LRRC4C: variants seen among roughly 807,000 people sequenced by gnomAD.
The protein encoded by LRRC4C is leucine rich repeat containing 4C, also known as leucine-rich repeat-containing protein 4C.
LRRC4C carries 5 observed loss-of-function variants against 33.6 expected under a neutral mutation model. The observed-to-expected ratio is 0.15, with a 90% CI of 0.08 to 0.31. LRRC4C has a LOEUF of 0.31. LRRC4C is among the 10% of genes least tolerant of loss of function. LRRC4C has a pLI of 1.00. For synonymous variants in LRRC4C, 329 were observed against 302.0 expected (o/e 1.09, Z -0.93); for missense variants, 560 against 796.7 (o/e 0.70, Z 3.58).
intron 3 of LRRC4C, among the ~76,000 whole-genome samples, chr11:40,602,193 C>CAAA (rs375091552): frequency 2.9e-4 from 27 of 93,744 alleles, no homozygotes; most frequent in South Asian, 7.8e-4. Flanking sequence ...GAATCTGTCT[C>CAAA]AAAAAAAAAA....
At chr11:41,437,421 G>GCACACACA (rs138502307) in intron 1 of LRRC4C, among the ~76,000 whole-genome samples, 5,133 of 144,960 alleles carry the variant, frequency 0.035, 151 homozygotes, top group African/African-American at 0.083. Flanking sequence ...ACGCGCGCGC[G>GCACACACA]CGCGCACACA....
At chr11:41,010,622 A>T (rs1189331559) in intron 1 of LRRC4C, among the ~76,000 whole-genome samples, 1 of 152,190 alleles carries the variant, frequency 6.6e-6, no homozygotes, top group African/African-American at 2.4e-5. Flanking sequence ...CTACTGCTTT[A>T]TAAGGTCCTA....
intron 1 of LRRC4C, among the ~76,000 whole-genome samples, chr11:40,947,212 A>G (rs1479557039): frequency 2.0e-5 from 3 of 152,136 alleles, no homozygotes; most frequent in Non-Finnish European, 4.4e-5. Flanking sequence ...TTTGGCTTCT[A>G]ATTAATCTTG....
At chr11:41,285,587 T>C (rs181510986) in intron 1 of LRRC4C, among the ~76,000 whole-genome samples, 39 of 152,240 alleles carry the variant, frequency 2.6e-4, no homozygotes, top group African/African-American at 9.4e-4. Context: ...GAGACTGGAA[T>C]GATGTGGGGA....
intron 3 of LRRC4C, among the ~76,000 whole-genome samples, chr11:40,373,321 T>C (rs1404648909): frequency 6.6e-6 from 1 of 152,102 alleles, no homozygotes; most frequent in East Asian, 1.9e-4. Flanking sequence ...ATTAGATAAA[T>C]GTTATAATTA....
At chr11:40,480,690 G>A (rs1420024237) in intron 3 of LRRC4C, among the ~76,000 whole-genome samples, 1 of 151,828 alleles carries the variant, frequency 6.6e-6, no homozygotes, top group African/African-American at 2.4e-5. Context: ...CCATATATAT[G>A]TATATATACA....
At chr11:40,916,334 T>C (rs1198148642) in intron 2 of LRRC4C, among the ~76,000 whole-genome samples, 2 of 152,182 alleles carry the variant, frequency 1.3e-5, no homozygotes, top group African/African-American at 4.8e-5. Flanking sequence ...GAAGAAAATG[T>C]GGCACATATA....
At chr11:41,107,959 A>AGGGAGAGGGGAGAG (rs68011353) in intron 1 of LRRC4C, among the ~76,000 whole-genome samples, 1 of 143,958 alleles carries the variant, frequency 6.9e-6, no homozygotes, top group African/African-American at 2.6e-5. Context: ...AGAGAAGAGA[A>AGGGAGAGGGGAGAG]GGGAGAGGGG....
At chr11:40,361,990 C>A (rs947405393) in intron 3 of LRRC4C, among the ~76,000 whole-genome samples, 6 of 151,994 alleles carry the variant, frequency 3.9e-5, no homozygotes, top group African/African-American at 1.2e-4. Context: ...TTTGACAAAC[C>A]TGATAAAAAC....
chr11:40,125,934 C>T (rs1250137640), intron 6 of LRRC4C, among the ~76,000 whole-genome samples: 1 of 152,098 alleles, frequency 6.6e-6, no homozygotes, highest in Non-Finnish European at 1.5e-5. Context: ...TGAGCTTTCT[C>T]CACCCCTTAT....
chr11:40,494,552 T>C (rs372406475), intron 3 of LRRC4C, among the ~76,000 whole-genome samples: 2 of 152,162 alleles, frequency 1.3e-5, no homozygotes, highest in Non-Finnish European at 2.9e-5. Context: ...TAGTTTCCTA[T>C]GTTTCTGTTT....
intron 2 of LRRC4C, among the ~76,000 whole-genome samples, chr11:40,881,073 T>C (rs1010147460): frequency 8.6e-5 from 13 of 151,900 alleles, no homozygotes; most frequent in Non-Finnish European, 4.4e-5. Flanking sequence ...TTAAAAAAAA[T>C]TGTGCCCTTC....
At chr11:40,817,891 AAC>A (rs1254738362) in intron 2 of LRRC4C, among the ~76,000 whole-genome samples, 1 of 152,150 alleles carries the variant, frequency 6.6e-6, no homozygotes, top group African/African-American at 2.4e-5. Context: ...CTATCAGCAT[AAC>A]ACACATTGCT....
At chr11:41,308,154 C>T (rs931469244) in intron 1 of LRRC4C, among the ~76,000 whole-genome samples, 4 of 152,170 alleles carry the variant, frequency 2.6e-5, no homozygotes, top group African/African-American at 9.7e-5. Context: ...CATCTTGTCC[C>T]TCTTTCACCA....
At chr11:40,178,903 G>A (rs1281082391) in intron 5 of LRRC4C, among the ~76,000 whole-genome samples, 1 of 152,108 alleles carries the variant, frequency 6.6e-6, no homozygotes, top group Non-Finnish European at 1.5e-5. Flanking sequence ...GTGATAGCTA[G>A]CTCTTCTCTT....
intron 3 of LRRC4C, among the ~76,000 whole-genome samples, chr11:40,400,352 G>A (rs1949712189): frequency 6.6e-6 from 1 of 152,128 alleles, no homozygotes; most frequent in Non-Finnish European, 1.5e-5. Flanking sequence ...GATCTCCAAA[G>A]AGTTGTTTGC....
chr11:41,192,322 A>ATGTGTGTGTG (rs112844436), intron 1 of LRRC4C, among the ~76,000 whole-genome samples: 45 of 146,240 alleles, frequency 3.1e-4, no homozygotes, highest in African/African-American at 6.8e-4. Context: ...CATGAATTAA[A>ATGTGTGTGTG]TGTGTGTGTG....
intron 3 of LRRC4C, among the ~76,000 whole-genome samples, chr11:40,452,297 T>C (rs886477875): frequency 5.9e-5 from 9 of 152,110 alleles, no homozygotes; most frequent in Non-Finnish European, 1.3e-4. Flanking sequence ...AAAGGGCTAA[T>C]ATCCAGAATC....
intron 1 of LRRC4C, among the ~76,000 whole-genome samples, chr11:41,252,249 C>A (rs1018659679): frequency 3.9e-5 from 6 of 152,050 alleles, no homozygotes; most frequent in Admixed American, 1.3e-4. Context: ...TTGGTCAATA[C>A]GTTTCCTAAT....
Sources: gnomAD v4.1 joint callset for allele counts (sites outside exome capture counted in the v4.1 genomes callset) on GRCh38, gnomAD v4.1.1 for gene constraint, MANE v1.5 for transcripts, NCBI Gene and HGNC (gene_info 2026-07-23, HGNC 2026-07-21) for gene names.